The following NME7 variants were observed in gnomAD, a reference collection of about 807,000 sequenced individuals.
NME7 encodes NME/NM23 family member 7, also known as nucleoside diphosphate kinase 7.
NME7 carries 41 observed loss-of-function variants against 49.1 expected under a neutral mutation model. The observed-to-expected ratio is 0.83, with a 90% CI of 0.65 to 1.08. NME7 has a LOEUF of 1.08. Ranked by LOEUF, NME7 falls within the 50% of genes least tolerant of loss-of-function variation. The pLI is 0.00. For synonymous variants in NME7, 139 were observed against 150.6 expected (o/e 0.92, Z 0.56); for missense variants, 423 against 463.4 (o/e 0.91, Z 0.80).
rs1653599086 is a variant in NME7 at position 169,359,964 on chromosome 1, A to G, written c.3+7744T>C. Among the ~76,000 whole-genome samples, 3 of 152,218 alleles carry G rather than the reference A, an allele frequency of 2.0e-5. No individual in the cohort carries two copies. The South Asian group carries it at 6.2e-4, about 32-fold the overall frequency. ...ACATCTAATTAACAGAAAGTTTTAA[A>G]TATTGACAACTTTGGAAGTGAAGAA... is the stretch of plus-strand genomic sequence containing the variant. On this transcript the variant is annotated intron_variant, in intron 1 of 11. Coordinates refer to ENST00000367811, the MANE Select transcript of NME7 (RefSeq NM_013330.5).
chr1:169,262,326 G>A (rs948971244), intron 7 of NME7, among the ~76,000 whole-genome samples: 1 of 134,616 alleles, frequency 7.4e-6, no homozygotes, highest in Non-Finnish European at 1.7e-5. Context: ...GCATAGCACA[G>A]AAGAATCATC....
At chr1:169,192,517 A>G (rs1362704294) in intron 10 of NME7, among the ~76,000 whole-genome samples, 4 of 152,108 alleles carry the variant, frequency 2.6e-5, no homozygotes, top group African/African-American at 9.7e-5. Context: ...ATTTTATATC[A>G]GGGACTTGAG....
At chr1:169,332,850 G>A (rs915520457) in intron 1 of NME7, among the ~76,000 whole-genome samples, 1 of 152,082 alleles carries the variant, frequency 6.6e-6, no homozygotes, top group Admixed American at 6.5e-5. Flanking sequence ...GGAGAACAGG[G>A]GACCCTTGTA....
intron 7 of NME7, among the ~76,000 whole-genome samples, chr1:169,252,308 C>G (rs2101848531): frequency 6.6e-6 from 1 of 152,008 alleles, no homozygotes; most frequent in Non-Finnish European, 1.5e-5. Context: ...TCTCTGATGG[C>G]CAGTGATGAT....
At position 169,205,049 on chromosome 1, in the gene NME7, T is replaced by C. The variant is rs966827733; in HGVS notation, c.990+25669A>G. On this transcript the variant is annotated intron_variant, in intron 10 of 11. Coordinates refer to ENST00000367811, the MANE Select transcript of NME7 (RefSeq NM_013330.5). ...CCAAAGCAGGAAGCCTATAAATATA[T>C]ATTTACTATTGTCACACTAATAATT... Among the ~76,000 whole-genome samples, 9 of 152,246 alleles carry C rather than the reference T, an allele frequency of 5.9e-5. No homozygotes were observed. In the East Asian group the frequency reaches 1.7e-3, roughly 29 times the overall value.
chr1:169,154,282 G>C (rs1206850489), intron 11 of NME7, among the ~76,000 whole-genome samples: 1 of 152,038 alleles, frequency 6.6e-6, no homozygotes, highest in Non-Finnish European at 1.5e-5. Context: ...GAAAGTGTTG[G>C]GATTACAGGT....
intron 1 of NME7, among the ~76,000 whole-genome samples, chr1:169,346,564 T>C (rs551603784): frequency 3.4e-4 from 52 of 152,342 alleles, no homozygotes; most frequent in African/African-American, 1.2e-3. Flanking sequence ...TCAACACCAC[T>C]ATCAGTACCC....
At chr1:169,149,609 C>T (rs1280195136) in intron 11 of NME7, among the ~76,000 whole-genome samples, 1 of 152,084 alleles carries the variant, frequency 6.6e-6, no homozygotes, top group African/African-American at 2.4e-5. Context: ...AAAACAGTAA[C>T]AATACAATAG....
chr1:169,326,542 C>T (rs1482040943), intron 1 of NME7, among the ~76,000 whole-genome samples: 1 of 152,054 alleles, frequency 6.6e-6, no homozygotes, highest in African/African-American at 2.4e-5. Flanking sequence ...AGGGAGCCCA[C>T]CAAGGGACAG....
intron 1 of NME7, among the ~76,000 whole-genome samples, chr1:169,359,573 T>C (rs1397677259): frequency 6.6e-6 from 1 of 152,076 alleles, no homozygotes; most frequent in Non-Finnish European, 1.5e-5. Context: ...AATGTAATTT[T>C]ATTACTTTTA....
intron 10 of NME7, among the ~76,000 whole-genome samples, chr1:169,175,605 A>G (rs190945981): frequency 1.3e-5 from 2 of 152,208 alleles, no homozygotes; most frequent in East Asian, 3.9e-4. Flanking sequence ...TTATAATCTT[A>G]TGGGATCAGC....
chr1:169,281,511 G>A (rs936524859), intron 7 of NME7, among the ~76,000 whole-genome samples: 1 of 152,168 alleles, frequency 6.6e-6, no homozygotes, highest in Non-Finnish European at 1.5e-5. Flanking sequence ...TGGTGAGAGA[G>A]GGCATCCTTG....
chr1:169,367,745 G>A lies in NME7; in HGVS notation c.-35C>T, dbSNP rs201280194. On this transcript the variant is annotated 5_prime_UTR_variant, in exon 1 of 12. The change creates a new upstream start codon in the 5' untranslated region. Coordinates refer to ENST00000367811, the MANE Select transcript of NME7 (RefSeq NM_013330.5). The stretch of plus-strand genomic sequence containing the variant: ...ATCTCAGCACTAGAAAATAGGTATC[G>A]TTGAGACAGGAAGACACCACCACCA... 2 of 1,613,720 alleles carry A rather than the reference G, an allele frequency of 1.2e-6. No homozygotes were observed. The highest frequency in any genetic ancestry group is 1.7e-5 in the Admixed American group (1 of 60,018).
chr1:169,146,502 T>A (rs901866668), intron 11 of NME7, among the ~76,000 whole-genome samples: 2 of 152,190 alleles, frequency 1.3e-5, no homozygotes, highest in African/African-American at 4.8e-5. Flanking sequence ...GACTATAACA[T>A]ACATATTCTT....
intron 11 of NME7, among the ~76,000 whole-genome samples, chr1:169,140,855 A>T (rs1361016100): frequency 6.6e-6 from 1 of 152,102 alleles, no homozygotes; most frequent in Non-Finnish European, 1.5e-5. Flanking sequence ...CAAAAAGTAG[A>T]TGCTTACACC....
At position 169,361,262 on chromosome 1, in the gene NME7, C is replaced by T. The variant is rs548069056; in HGVS notation, c.3+6446G>A. Among the ~76,000 whole-genome samples, 55 of 152,234 alleles carry T rather than the reference C, an allele frequency of 3.6e-4. 1 individual carries two copies. Among genetic ancestry groups the T allele is most frequent in the African/African-American group, 1.3e-3 (54 of 41,548 alleles). ...GCATTATATTAACCACTTACTATTC[C>T]GTTCTCCAAATACCACTGTTTCCTA... On this transcript the variant is annotated intron_variant, in intron 1 of 11. Transcript: ENST00000367811.
intron 1 of NME7, among the ~76,000 whole-genome samples, chr1:169,346,780 TTAAG>T (rs759615638): frequency 5.9e-5 from 9 of 152,262 alleles, no homozygotes; most frequent in Admixed American, 1.3e-4. Context: ...CAGATATCTA[TTAAG>T]TATTTGTTGA....
chr1:169,335,678 A>G (rs553704950), intron 1 of NME7, among the ~76,000 whole-genome samples: 99 of 148,012 alleles, frequency 6.7e-4, no homozygotes, highest in African/African-American at 2.3e-3. Flanking sequence ...TTTTTAGAAG[A>G]AATATATATA....
chr1:169,212,655 G>T (rs1660860361), intron 10 of NME7, among the ~76,000 whole-genome samples: 1 of 144,988 alleles, frequency 6.9e-6, no homozygotes, highest in Non-Finnish European at 1.5e-5. Context: ...TAGCTGGAGT[G>T]TAGTGGTACT....
Sources: gnomAD v4.1 joint callset for allele counts (sites outside exome capture counted in the v4.1 genomes callset) on GRCh38, gnomAD v4.1.1 for gene constraint, MANE v1.5 for transcripts, NCBI Gene and HGNC (gene_info 2026-07-23, HGNC 2026-07-21) for gene names.